The following PCDHA4 variants were observed in gnomAD, a reference collection of about 807,000 sequenced individuals.
PCDHA4 encodes protocadherin alpha-4.
In PCDHA4, 49 loss-of-function variants were observed where a neutral mutation model predicts 61.4. The ratio of observed to expected loss-of-function variants is 0.80; its 90% CI spans 0.63 to 1.01. The LOEUF (loss-of-function observed/expected upper bound fraction) is 1.01. Among genes scored for constraint, PCDHA4 ranks in the 50% least tolerant of loss-of-function variants. PCDHA4 has a pLI of 0.00. For synonymous variants in PCDHA4, 590 were observed against 550.3 expected, an observed-to-expected ratio of 1.07 and a Z score of -1.01; for missense variants, 1,254 against 1,235.8, an observed-to-expected ratio of 1.01 and a Z score of -0.22.
intron 1 of PCDHA4, among the ~76,000 whole-genome samples, chr5:140,912,818 A>T (rs2076075875): frequency 6.6e-6 from 1 of 152,052 alleles, no homozygotes; most frequent in South Asian, 2.1e-4. Context: ...TCATAAAGGG[A>T]TTTTGAATTT....
At chr5:140,917,699 A>G (rs980073163) in intron 1 of PCDHA4, among the ~76,000 whole-genome samples, 1 of 152,058 alleles carries the variant, frequency 6.6e-6, no homozygotes, top group Non-Finnish European at 1.5e-5. Flanking sequence ...AGATCAGATA[A>G]TTGTAGGTGT....
chr5:140,872,332 T>G (rs2053600467), intron 1 of PCDHA4, among the ~76,000 whole-genome samples: 1 of 152,172 alleles, frequency 6.6e-6, no homozygotes, highest in African/African-American at 2.4e-5. Context: ...ATGACTAAAA[T>G]TCTACATGTT....
At chr5:140,972,197 A>G (rs2096524584) in intron 1 of PCDHA4, among the ~76,000 whole-genome samples, 1 of 152,100 alleles carries the variant, frequency 6.6e-6, no homozygotes. Context: ...GCTGGAGTAT[A>G]GGTGTGAATA....
chr5:140,882,539 G>A (rs1303287274), intron 1 of PCDHA4: 2 of 1,614,110 alleles, frequency 1.2e-6, no homozygotes, highest in African/African-American at 2.7e-5. Flanking sequence ...TTCTCGGATC[G>A]ACCGCGAGGA....
intron 1 of PCDHA4, among the ~76,000 whole-genome samples, chr5:140,945,317 A>C (rs1322598969): frequency 1.3e-5 from 2 of 152,150 alleles, no homozygotes; most frequent in Non-Finnish European, 2.9e-5. Context: ...AAATAAATGG[A>C]AATATATTTT....
intron 1 of PCDHA4, among the ~76,000 whole-genome samples, chr5:140,953,480 T>C (rs782804804): frequency 2.6e-5 from 4 of 152,194 alleles, no homozygotes; most frequent in Non-Finnish European, 5.9e-5. Flanking sequence ...CCTCATGCTG[T>C]GTCACAACCT....
intron 1 of PCDHA4, among the ~76,000 whole-genome samples, chr5:140,872,029 A>C (rs782304127): frequency 7.9e-5 from 12 of 152,224 alleles, no homozygotes; most frequent in Admixed American, 2.6e-4. Context: ...GGAACTGCTA[A>C]GCTCAAAGAA....
chr5:140,869,396 A>C (rs782754440), intron 1 of PCDHA4: 18 of 1,614,242 alleles, frequency 1.1e-5, no homozygotes, highest in East Asian at 2.2e-5. Flanking sequence ...CTGTGCGGGC[A>C]GAGCGCGGAG....
At chr5:140,934,228 G>A (rs1238284158) in intron 1 of PCDHA4, among the ~76,000 whole-genome samples, 2 of 151,884 alleles carry the variant, frequency 1.3e-5, no homozygotes, top group African/African-American at 4.8e-5. Flanking sequence ...TAAAAGATTT[G>A]TACTTAATTG....
intron 1 of PCDHA4, chr5:140,927,546 A>G (rs1554204713): frequency 6.2e-7 from 1 of 1,614,146 alleles, no homozygotes; most frequent in Non-Finnish European, 8.5e-7. Flanking sequence ...GAGACGCACA[A>G]GTCACCATCA....
At chr5:140,983,461 A>G (rs1291305158) in intron 3 of PCDHA4, among the ~76,000 whole-genome samples, 1 of 152,238 alleles carries the variant, frequency 6.6e-6, no homozygotes, top group Non-Finnish European at 1.5e-5. Flanking sequence ...TTAATAGAAC[A>G]TCATGATGAT....
chr5:140,836,554 C>T, intron 1 of PCDHA4: 1 of 1,613,764 alleles, frequency 6.2e-7, no homozygotes, highest in Non-Finnish European at 8.5e-7. Flanking sequence ...TTGCGGTGCT[C>T]AGCGCCGTCC....
intron 1 of PCDHA4, chr5:140,849,824 G>A (rs2150452119): frequency 3.1e-6 from 5 of 1,598,646 alleles, no homozygotes; most frequent in Non-Finnish European, 2.6e-6. Flanking sequence ...GGGTGTCTGT[G>A]GAGGTGGCCG....
In PCDHA4 at chr5:140,807,471, T is replaced by G. The variant is rs1763942238; in HGVS notation, c.284T>G (p.Leu95Arg). 1.9e-6 allele frequency: 3 copies of G among 1,612,596 alleles called. No homozygotes were observed. The highest frequency in any genetic ancestry group is 2.5e-6 in the Non-Finnish European group (3 of 1,179,588). ...FVNSRIDREE[L>R]CRRSAECSIH... ...AATTCTCGGATCGACCGGGAGGAGC[T>G]GTGCCGGCGGAGCGCGGAGTGCAGC... Residue 95 changes from leucine to arginine, a missense_variant, in exon 1 of 4, where the codon CTG becomes CGG. By Grantham distance (102) the Leu-to-Arg change is moderately radical. Transcript: ENST00000530339.
intron 1 of PCDHA4, chr5:140,863,439 T>C (rs781855193): frequency 3.3e-6 from 2 of 606,238 alleles, no homozygotes; most frequent in East Asian, 4.7e-5. Context: ...GATCTGGTCT[T>C]ACTCGCAGCA....
At chr5:140,850,831 G>C (rs981885351) in intron 1 of PCDHA4, 1 of 1,598,080 alleles carries the variant, frequency 6.3e-7, no homozygotes, top group Non-Finnish European at 8.6e-7. Context: ...CTTTCTCCTT[G>C]TGCTGGATCT....
intron 1 of PCDHA4, among the ~76,000 whole-genome samples, chr5:140,902,149 G>T (rs1471758440): frequency 6.8e-6 from 1 of 147,458 alleles, no homozygotes; most frequent in African/African-American, 2.5e-5. Flanking sequence ...AGGATAATTT[G>T]ATTTCTTCCT....
chr5:140,966,061 C>T (rs2095963591), intron 1 of PCDHA4, among the ~76,000 whole-genome samples: 1 of 152,222 alleles, frequency 6.6e-6, no homozygotes, highest in Non-Finnish European at 1.5e-5. Flanking sequence ...CCCAGAGCGC[C>T]TCCCCCTGCG....
At chr5:140,891,424 G>A (rs932574419) in intron 1 of PCDHA4, among the ~76,000 whole-genome samples, 1 of 146,144 alleles carries the variant, frequency 6.8e-6, no homozygotes, top group Non-Finnish European at 1.5e-5. Context: ...TTGCCCCCAA[G>A]TCCCCAACGT....
Sources: gnomAD v4.1 joint callset for allele counts (sites outside exome capture counted in the v4.1 genomes callset) on GRCh38, gnomAD v4.1.1 for gene constraint, MANE v1.5 for transcripts, NCBI Gene and HGNC (gene_info 2026-07-23, HGNC 2026-07-21) for gene names.